Variants in SAAL1 observed in about 807,000 individuals in gnomAD.
The protein encoded by SAAL1 is protein SAAL1.
Under a neutral mutation model 59.8 loss-of-function variants are expected in SAAL1, and 42 were observed. The observed-to-expected ratio is 0.70, with a 90% confidence interval of 0.55 to 0.91. The LOEUF is 0.91. SAAL1 is among the 40% of genes least tolerant of loss of function. The pLI is 0.00. For synonymous variants in SAAL1, 191 were observed against 194.3 expected, an observed-to-expected ratio of 0.98 and a Z score of 0.14; for missense variants, 542 against 561.1, an observed-to-expected ratio of 0.97 and a Z score of 0.34.
At chr11:18,094,065 T>C (rs1206625067) in intron 3 of SAAL1, 3 of 152,184 alleles carry the variant, frequency 2.0e-5, no homozygotes, top group Non-Finnish European at 4.4e-5. Context: ...TTGTTAAAAA[T>C]ACAGATTTCC....
chr11:18,090,076 G>T, intron 6 of SAAL1, 99 bp downstream of exon 6: 1 of 1,168,714 alleles, frequency 8.6e-7, no homozygotes, highest in Non-Finnish European at 1.2e-6. Context: ...TGCACTCAAG[G>T]CTTTTTTTAA....
intron 7 of SAAL1, among the ~76,000 whole-genome samples, chr11:18,087,474 T>G (rs954675633): frequency 1.3e-5 from 2 of 152,224 alleles, no homozygotes; most frequent in African/African-American, 4.8e-5. Context: ...AAAAACTTTT[T>G]GGCTCTATCT....
chr11:18,091,211 C>G (rs989184082), intron 4 of SAAL1, among the ~76,000 whole-genome samples: 2 of 151,900 alleles, frequency 1.3e-5, no homozygotes, highest in African/African-American at 4.8e-5. Flanking sequence ...ATGAGCTGGT[C>G]ACAGCACATG....
chr11:18,096,467 C>CA (rs1460970149), intron 3 of SAAL1, among the ~76,000 whole-genome samples: 1 of 151,900 alleles, frequency 6.6e-6, no homozygotes. Flanking sequence ...CCTATACTCC[C>CA]AGTTACTTGG....
At chr11:18,092,198 G>A (rs1564871349) in intron 4 of SAAL1, 47 bp downstream of exon 4, 2 of 943,212 alleles carry the variant, frequency 2.1e-6, no homozygotes, top group African/African-American at 1.7e-5. Flanking sequence ...TTTCCTTAAG[G>A]ATATAAATGA....
In SAAL1 at chr11:18,089,346, C is replaced by A; in HGVS notation, c.754G>T (p.Ala252Ser). 1 of 1,554,014 alleles carries A rather than the reference C, an allele frequency of 6.4e-7. No homozygotes were observed. The highest frequency in any genetic ancestry group is 8.6e-7 in the Non-Finnish European group (1 of 1,157,944). The change falls in exon 7 of 12, where the codon GCT (alanine) becomes TCT (serine). Residue 252 changes from alanine to serine, a missense_variant. Physicochemically the swap from Ala to Ser is moderately conservative, Grantham distance 99. Transcript: ENST00000524803. ...CTCACCTACCGTACTTGTTTGGCAGCTTCAAGTATACAGGGCACAAGCCGA... is the reference window on the plus strand; with the variant it reads ...CTCACCTACCGTACTTGTTTGGCAGATTCAAGTATACAGGGCACAAGCCGA... ...VFRLVPCILEAAKQVRSENPE... is the reference protein window; with the variant it reads ...VFRLVPCILESAKQVRSENPE...
intron 4 of SAAL1, among the ~76,000 whole-genome samples, chr11:18,091,318 C>T (rs578234703): frequency 6.2e-4 from 94 of 152,272 alleles, no homozygotes; most frequent in African/African-American, 2.2e-3. Flanking sequence ...AATATTAAGA[C>T]AAGCATTTAA....
At chr11:18,086,420 C>T (rs189461741) in intron 9 of SAAL1, among the ~76,000 whole-genome samples, 2 of 151,104 alleles carry the variant, frequency 1.3e-5, no homozygotes, top group African/African-American at 4.9e-5. Flanking sequence ...GTAAACAGGC[C>T]AGGTGGGGTG....
chr11:18,099,732 C>T (rs1050902124), intron 2 of SAAL1, among the ~76,000 whole-genome samples: 11 of 150,726 alleles, frequency 7.3e-5, no homozygotes, highest in South Asian at 2.1e-4. Flanking sequence ...ACATTGAAGC[C>T]GGGCCATAAA....
chr11:18,099,488 T>C (rs1233548892), intron 2 of SAAL1, among the ~76,000 whole-genome samples: 4 of 152,132 alleles, frequency 2.6e-5, no homozygotes, highest in South Asian at 4.1e-4. Flanking sequence ...CTACACAATT[T>C]CTAAATGCTA....
Position 18,103,177 on chromosome 11 carries a change from T to C in SAAL1, c.249+56A>G, listed in dbSNP as rs534566929. The C allele has an allele frequency of 5.6e-4, 661 of 1,186,188 alleles. 11 individuals carry two copies. The South Asian group carries it at 7.1e-3, about 13-fold the overall frequency. The allele number at this position is 1,186,188 out of a possible 1,614,324, so 73.5% of individuals were successfully genotyped here. On this transcript the variant is annotated intron_variant, in intron 2 of 11. Coordinates refer to ENST00000524803, the MANE Select transcript of SAAL1 (RefSeq NM_138421.3). ...GAAGGACTGAACCGTTTTTAAAACA[T>C]TCATTCACCATCTCCTCACCCAACA...
In SAAL1 at chr11:18,086,946, G is replaced by A. The variant is rs761488421; in HGVS notation, c.962C>T (p.Thr321Ile). ...CACTGAAAAAACAGAGGCTAGCACT[G>A]TTTTCTGTTCTTGAAGAATGATGGG... ...DPPIILQEQK[T>I]VLASVFSVLS... Residue 321 changes from threonine to isoleucine, a missense_variant, in exon 9 of 12, where the codon ACA becomes ATA. Thr to Ile is a moderately conservative substitution (Grantham distance 89, BLOSUM62 -1). Transcript: ENST00000524803. The A allele has an allele frequency of 2.5e-6, 4 of 1,614,004 alleles. No individual in the cohort carries two copies. Among genetic ancestry groups the A allele is most frequent in the Non-Finnish European group, 3.4e-6 (4 of 1,179,872 alleles).
intron 2 of SAAL1, among the ~76,000 whole-genome samples, chr11:18,101,857 GGAT>G (rs139332647): frequency 0.18 from 27,186 of 147,986 alleles, 3,054 homozygotes; most frequent in Non-Finnish European, 0.25. Context: ...TACACAACAT[GGAT>G]GAATCTCAAA....
At chr11:18,081,727 T>G in intron 10 of SAAL1, 1 of 481,716 alleles carries the variant, frequency 2.1e-6, no homozygotes, top group Non-Finnish European at 3.7e-6. Context: ...CTACACAGAC[T>G]ACAAACTTGG....
intron 3 of SAAL1, among the ~76,000 whole-genome samples, chr11:18,093,634 T>C (rs1181808950): frequency 6.6e-6 from 1 of 152,326 alleles, no homozygotes; most frequent in Non-Finnish European, 1.5e-5. Context: ...ACTTAGGTGA[T>C]AGGTACTAAT....
rs370951333 is a variant in SAAL1, at chr11:18,089,531, A to T, written c.590-21T>A. The T allele has an allele frequency of 1.2e-4, 184 of 1,590,426 alleles. 1 individual carries two copies. In the African/African-American group the frequency reaches 2.3e-3, roughly 20 times the overall value. ...GTCAACTGCAGAGAATAAAACAGAT[A>T]TTGAAATGAAAAACAAACTGCTAAA... is the stretch of plus-strand genomic sequence containing the variant. On this transcript the variant is annotated intron_variant, in intron 6 of 11. Coordinates refer to ENST00000524803, the MANE Select transcript of SAAL1 (RefSeq NM_138421.3).
At chr11:18,090,324 TCA>T in intron 5 of SAAL1, 34 bp from the exon 6 acceptor site, 3 of 1,376,548 alleles carry the variant, frequency 2.2e-6, no homozygotes, top group Non-Finnish European at 2.9e-6. Context: ...TTTCTACTTT[TCA>T]AAAAAAAAAA....
At chr11:18,096,934 AT>A in intron 2 of SAAL1, 80 bp from the exon 3 acceptor site, 2 of 781,490 alleles carry the variant, frequency 2.6e-6, no homozygotes, top group Non-Finnish European at 4.3e-6. Context: ...ATAAAATTCT[AT>A]ATTAAAATTA....
At chr11:18,083,796 T>G in intron 9 of SAAL1, 65 bp from the exon 10 acceptor site, 1 of 1,031,850 alleles carries the variant, frequency 9.7e-7, no homozygotes, top group Non-Finnish European at 1.4e-6. Context: ...TCATATGTAT[T>G]GAATTAGTGC....
Sources: gnomAD v4.1 joint callset for allele counts (sites outside exome capture counted in the v4.1 genomes callset) on GRCh38, gnomAD v4.1.1 for gene constraint, MANE v1.5 for transcripts, NCBI Gene and HGNC (gene_info 2026-07-23, HGNC 2026-07-21) for gene names.